Variants in KDM3A observed in about 807,000 individuals in gnomAD.
KDM3A encodes the protein lysine-specific demethylase 3A.
In KDM3A, 60 loss-of-function variants were observed where a neutral mutation model predicts 158.0. The ratio of observed to expected loss-of-function variants is 0.38; its 90% CI spans 0.31 to 0.47. The LOEUF (loss-of-function observed/expected upper bound fraction) is 0.47. KDM3A is among the 20% of genes least tolerant of loss of function. The pLI is 0.99. For synonymous variants in KDM3A, 608 were observed against 549.3 expected, an observed-to-expected ratio of 1.11 and a Z score of -1.49; for missense variants, 1,319 against 1,574.3, an observed-to-expected ratio of 0.84 and a Z score of 2.74.
intron 9 of KDM3A, among the ~76,000 whole-genome samples, chr2:86,465,085 T>C (rs537205624): frequency 2.0e-5 from 3 of 152,286 alleles, no homozygotes; most frequent in South Asian, 4.2e-4. Context: ...AAAATTCTTC[T>C]CCAGGGTGAA....
rs146964067 is a variant in KDM3A, at chr2:86,478,349, C to T, written c.2188+84C>T. 6.2e-4 allele frequency: 643 copies of T among 1,038,658 alleles called. 4 individuals are homozygous for T. The African/African-American group carries it at 9.2e-3, about 15-fold the overall frequency. The allele number at this position is 1,038,658 out of a possible 1,614,324, so 64.3% of individuals were successfully genotyped here. A position where few individuals can be genotyped will look rare whatever the true frequency, so the allele number is the denominator to read the frequency against. ...GGTAGTTTTGTTTTCCTTTATTACT[C>T]GTTAAGTTTATTTTAGTGTGTATTG... On this transcript the variant is annotated intron_variant, in intron 14 of 25. Transcript: ENST00000312912.
intron 21 of KDM3A, chr2:86,488,492 G>C (rs1411705505): frequency 6.6e-6 from 1 of 152,206 alleles, no homozygotes; most frequent in Non-Finnish European, 1.5e-5. Flanking sequence ...CAGGGCTCTG[G>C]GGGCCCTGGT....
At chr2:86,448,952 A>G (rs1683056448) in intron 2 of KDM3A, among the ~76,000 whole-genome samples, 1 of 152,170 alleles carries the variant, frequency 6.6e-6, no homozygotes, top group Admixed American at 6.5e-5. Context: ...ATGCTTTTAT[A>G]TGACTTTGAG....
At chr2:86,481,885 C>A in intron 16 of KDM3A, 45 bp from the exon 17 acceptor site, 2 of 1,471,734 alleles carry the variant, frequency 1.4e-6, no homozygotes, top group Non-Finnish European at 1.9e-6. Context: ...AAGGGATTTG[C>A]CTTTCAGAAT....
chr2:86,475,764 C>A (rs1450087727), intron 12 of KDM3A, among the ~76,000 whole-genome samples: 1 of 152,198 alleles, frequency 6.6e-6, no homozygotes, highest in African/African-American at 2.4e-5. Flanking sequence ...AAAAGTGAAG[C>A]CTTTCTATTC....
At chr2:86,450,665 A>G (rs1175260853) in intron 3 of KDM3A, among the ~76,000 whole-genome samples, 2 of 152,182 alleles carry the variant, frequency 1.3e-5, no homozygotes, top group East Asian at 3.9e-4. Context: ...AAGGCTGATC[A>G]GATTGTGATC....
intron 23 of KDM3A, 136 bp from the exon 24 acceptor site, chr2:86,490,742 AGTC>A: frequency 1.7e-6 from 1 of 595,320 alleles, no homozygotes; most frequent in Non-Finnish European, 3.0e-6. Context: ...TGATACTACT[AGTC>A]GTCTTCTGCC....
intron 10 of KDM3A, 146 bp downstream of exon 10, chr2:86,467,029 C>T: frequency 1.5e-6 from 1 of 676,250 alleles, no homozygotes; most frequent in East Asian, 2.8e-5. Flanking sequence ...GTATAATTCC[C>T]AAATCTCAGA....
intron 21 of KDM3A, chr2:86,489,085 C>T (rs1333741888): frequency 2.5e-5 from 11 of 431,768 alleles, no homozygotes; most frequent in South Asian, 1.8e-4. Flanking sequence ...ATCCCAGCTT[C>T]GGAAGCCTGC....
At chr2:86,446,842 C>T (rs1682977434) in intron 2 of KDM3A, among the ~76,000 whole-genome samples, 1 of 152,186 alleles carries the variant, frequency 6.6e-6, no homozygotes, top group African/African-American at 2.4e-5. Context: ...AATGGGGTCT[C>T]ACTCTGTCAC....
intron 2 of KDM3A, among the ~76,000 whole-genome samples, chr2:86,446,728 T>G (rs1359125860): frequency 1.3e-5 from 2 of 152,118 alleles, no homozygotes; most frequent in Non-Finnish European, 2.9e-5. Flanking sequence ...AAATAAGTGT[T>G]TTTTTGTAGA....
intron 12 of KDM3A, among the ~76,000 whole-genome samples, chr2:86,476,075 C>T (rs1673646894): frequency 6.6e-6 from 1 of 152,102 alleles, no homozygotes; most frequent in African/African-American, 2.4e-5. Context: ...AGTCAAGAGT[C>T]TTATTATACT....
At position 86,469,299 on chromosome 2, in the gene KDM3A, G is replaced by T. The variant is rs112766907; in HGVS notation, c.1520-905G>T. On this transcript the variant is annotated intron_variant, in intron 10 of 25. Coordinates refer to ENST00000312912, the MANE Select transcript of KDM3A (RefSeq NM_018433.6). ...ACCTCTCCCACCCATCTCTCAACTA[G>T]TTCCCCAGAAGCTGTTGGTTTTTGA... is the stretch of plus-strand genomic sequence containing the variant. 3.4e-3 allele frequency among the ~76,000 whole-genome samples: 516 copies of T among 152,196 alleles called. 5 individuals carry two copies. The highest frequency in any genetic ancestry group is 0.012 in the African/African-American group (498 of 41,542).
chr2:86,448,482 A>T (rs1683042306), intron 2 of KDM3A, among the ~76,000 whole-genome samples: 1 of 152,204 alleles, frequency 6.6e-6, no homozygotes, highest in Non-Finnish European at 1.5e-5. Context: ...TTAGAATTTA[A>T]TTGTCAATCA....
chr2:86,467,796 G>T (rs754740100), intron 10 of KDM3A, among the ~76,000 whole-genome samples: 5 of 152,268 alleles, frequency 3.3e-5, no homozygotes, highest in Non-Finnish European at 7.4e-5. Context: ...CACTGTGGGA[G>T]GATTGCTTCA....
rs1558599630 is a variant in KDM3A, at chr2:86,442,220, A to G, written c.173A>G (p.Lys58Arg). 4.3e-6 allele frequency: 7 copies of G among 1,610,484 alleles called. No homozygotes were observed. In the Admixed American group the frequency reaches 8.4e-5, roughly 19 times the overall value. The change falls in exon 2 of 26, where the codon AAG becomes AGG. Residue 58 changes from lysine to arginine, a missense_variant. Lys to Arg is a conservative substitution (Grantham distance 26, BLOSUM62 2). Around this residue, in one of 4 missense-constraint regions of KDM3A, gnomAD observed 652 missense variants for 627.2 expected, o/e 1.04. Transcript: ENST00000312912. ...IRAVSHTDVTKKDLKVCVEFD... is the reference protein window; with the variant it reads ...IRAVSHTDVTRKDLKVCVEFD... ...GCTGTTTCCCACACCGACGTTACCA[A>G]GAAGGATCTGAAGGTACAGGCGGCT... is the stretch of plus-strand genomic sequence containing the variant.
chr2:86,454,446 A>G (rs2104639011), intron 4 of KDM3A, among the ~76,000 whole-genome samples: 1 of 152,310 alleles, frequency 6.6e-6, no homozygotes, highest in Middle Eastern at 3.4e-3. Flanking sequence ...GGAAAGAGAT[A>G]TGTGTACCTC....
In KDM3A at chr2:86,474,974, A is replaced by T; in HGVS notation, c.1923A>T (p.Ser641=). The T allele has an allele frequency of 6.2e-7, 1 of 1,613,986 alleles. No homozygotes were observed. The highest frequency in any genetic ancestry group is 1.3e-5 in the African/African-American group (1 of 74,992). The change falls in exon 12 of 26, where the codon TCA becomes TCT. Residue 641 remains serine (S), a synonymous_variant. Transcript: ENST00000312912. ...TGATTTCTGAAAAGGAAGCTATGTC[A>T]ACTATTGAGCCACACAGTAAGAGCA... ...QMVISEKEAM[S]TIEPHRQVAW... is the part of the protein sequence containing the mutation.
upstream of KDM3A, among the ~76,000 whole-genome samples, chr2:86,437,692 C>A (rs1162519654): frequency 6.6e-6 from 1 of 152,088 alleles, no homozygotes; most frequent in Non-Finnish European, 1.5e-5. Context: ...TACATGTCAG[C>A]AAAGTCTAAT....
Sources: allele counts gnomAD v4.1 joint callset (sites outside exome capture counted in the v4.1 genomes callset), GRCh38; gene constraint gnomAD v4.1.1; regional missense constraint gnomAD v4.1.1; transcripts MANE v1.5; gene names NCBI Gene and HGNC (gene_info 2026-07-23, HGNC 2026-07-21).